Variants in LRRIQ3 observed in about 807,000 individuals in gnomAD.
The protein encoded by LRRIQ3 is leucine-rich repeat and IQ domain-containing protein 3.
Under a neutral mutation model 59.3 loss-of-function variants are expected in LRRIQ3, and 75 were observed. That is an observed-to-expected ratio of 1.26 (90% CI 1.05 to 1.53). The LOEUF is 1.53. Ranked by LOEUF, LRRIQ3 falls within the 40% of genes most tolerant of loss-of-function variation. The pLI is 0.00. For missense variants in LRRIQ3, 831 were observed against 710.0 expected (o/e 1.17, Z -1.94); for synonymous variants, 250 against 231.3 (o/e 1.08, Z -0.73).
Position 74,198,066 on chromosome 1 carries a change from C to A in LRRIQ3, c.-71G>T. 2 of 1,023,790 alleles carry A rather than the reference C, an allele frequency of 2.0e-6. No homozygotes were observed. Among genetic ancestry groups the A allele is most frequent in the Non-Finnish European group, 2.7e-6 (2 of 731,480 alleles). 63.4% of individuals were successfully genotyped at this position (1,023,790 alleles called of 1,614,324 possible). On this transcript the variant is annotated 5_prime_UTR_variant, in exon 1 of 8. Transcript: ENST00000354431. ...CCAGCCCCAACACAGTCAGACAAAT[C>A]GCTGGGCGGCCATCTGCTCCTGAGA...
intron 6 of LRRIQ3, among the ~76,000 whole-genome samples, chr1:74,054,762 A>C (rs909290022): frequency 2.8e-5 from 4 of 145,102 alleles, no homozygotes; most frequent in Admixed American, 2.1e-4. Flanking sequence ...ATATATCTAT[A>C]TATCTACATA....
At chr1:74,067,127 A>G (rs186065016) in intron 6 of LRRIQ3, among the ~76,000 whole-genome samples, 60 of 152,258 alleles carry the variant, frequency 3.9e-4, no homozygotes, top group African/African-American at 1.3e-3. Context: ...AAAAAATGAC[A>G]ACTGAAATCC....
intron 5 of LRRIQ3, among the ~76,000 whole-genome samples, chr1:74,106,667 C>T (rs4142948): frequency 0.47 from 70,892 of 151,658 alleles, 18,250 homozygotes; most frequent in East Asian, 0.82. Context: ...ACTCCCTGAA[C>T]ATATATTTTG....
intron 4 of LRRIQ3, among the ~76,000 whole-genome samples, chr1:74,145,325 A>C (rs1279574886): frequency 1.3e-5 from 2 of 152,154 alleles, no homozygotes. Flanking sequence ...TAGTAACAGT[A>C]AACTAGGAAT....
At chr1:74,100,873 T>C (rs1646520142) in intron 5 of LRRIQ3, among the ~76,000 whole-genome samples, 1 of 152,172 alleles carries the variant, frequency 6.6e-6, no homozygotes, top group Non-Finnish European at 1.5e-5. Flanking sequence ...AAGCTGAAAC[T>C]GGATGCCTTC....
At chr1:74,187,133 A>G (rs1319334929) in intron 1 of LRRIQ3, among the ~76,000 whole-genome samples, 1 of 152,076 alleles carries the variant, frequency 6.6e-6, no homozygotes, top group Non-Finnish European at 1.5e-5. Flanking sequence ...TCCTTAAGGA[A>G]CTAAAGGTAG....
chr1:74,183,850 A>G (rs1429662706), intron 1 of LRRIQ3, among the ~76,000 whole-genome samples, 166 bp from the exon 2 acceptor site: 2 of 152,024 alleles, frequency 1.3e-5, no homozygotes, highest in African/African-American at 4.8e-5. Context: ...TAACTTAAAT[A>G]TCTAACATTT....
chr1:74,055,180 T>TTATATATATATATA (rs57279520), intron 6 of LRRIQ3, among the ~76,000 whole-genome samples: 28 of 139,970 alleles, frequency 2.0e-4, no homozygotes, highest in African/African-American at 6.9e-4. Context: ...CATATACACT[T>TTATATATATATATA]TATATATATA....
chr1:74,112,180 TG>T (rs1412297643), intron 4 of LRRIQ3, among the ~76,000 whole-genome samples: 1 of 152,178 alleles, frequency 6.6e-6, no homozygotes, highest in Non-Finnish European at 1.5e-5. Context: ...CTCCTCCTTC[TG>T]ATCTAGGACA....
chr1:74,161,805 A>G (rs901961780), intron 3 of LRRIQ3, among the ~76,000 whole-genome samples: 5 of 151,932 alleles, frequency 3.3e-5, no homozygotes, highest in African/African-American at 1.2e-4. Flanking sequence ...AACTCCAGAC[A>G]ATACTTAAGC....
chr1:74,163,155 C>T (rs1465857628), intron 3 of LRRIQ3, among the ~76,000 whole-genome samples: 5 of 151,446 alleles, frequency 3.3e-5, no homozygotes, highest in African/African-American at 9.7e-5. Context: ...AAATTTGGCA[C>T]ACATTTTCTC....
chr1:74,045,645 C>A (rs940924591), intron 6 of LRRIQ3, among the ~76,000 whole-genome samples: 2 of 152,168 alleles, frequency 1.3e-5, no homozygotes, highest in African/African-American at 4.8e-5. Context: ...AAACGGTATT[C>A]AAGTAGGAAA....
At chr1:74,138,058 T>A (rs1037203273) in intron 4 of LRRIQ3, among the ~76,000 whole-genome samples, 1 of 151,596 alleles carries the variant, frequency 6.6e-6, no homozygotes, top group African/African-American at 2.4e-5. Flanking sequence ...AACCTGCATG[T>A]TCTGCACATG....
intron 3 of LRRIQ3, among the ~76,000 whole-genome samples, chr1:74,168,133 T>A (rs1195978069): frequency 6.6e-6 from 1 of 152,140 alleles, no homozygotes; most frequent in Admixed American, 6.6e-5. Flanking sequence ...TCTATATATA[T>A]CCTAATTTCA....
At chr1:74,166,933 T>TA (rs981828458) in intron 3 of LRRIQ3, among the ~76,000 whole-genome samples, 25 of 151,500 alleles carry the variant, frequency 1.7e-4, no homozygotes, top group African/African-American at 5.8e-4. Flanking sequence ...ATGGCCATAA[T>TA]AAAAAAATAA....
chr1:74,065,740 C>T (rs534548931), intron 6 of LRRIQ3, among the ~76,000 whole-genome samples: 3 of 152,186 alleles, frequency 2.0e-5, no homozygotes, highest in Middle Eastern at 3.4e-3. Flanking sequence ...TATTAGCTCA[C>T]TCTTCTGGCC....
chr1:74,173,736 A>G (rs1270568556), intron 3 of LRRIQ3, among the ~76,000 whole-genome samples: 1 of 152,064 alleles, frequency 6.6e-6, no homozygotes. Flanking sequence ...AAAAATAATA[A>G]TAATAAAATA....
Position 74,041,302 on chromosome 1 carries a change from A to T in LRRIQ3, c.1629T>A (p.Ala543=). 6.2e-7 allele frequency: 1 copy of T among 1,613,294 alleles called. No individual in the cohort carries two copies. The part of the protein sequence containing the change: ...LKIDRLEKNE[A]VLKEKSLIVK... The stretch of plus-strand genomic sequence containing the variant: ...CAATCAGGCTTTTCTCTTTTAGGAC[A>T]GCCTCATTCTTCTCCAGTCTGTCAA... Residue 543 remains alanine (A), a synonymous_variant, in exon 7 of 8, where the codon GCT becomes GCA. Transcript: ENST00000354431.
At chr1:74,181,738 T>A (rs540051464) in intron 3 of LRRIQ3, 1 of 151,950 alleles carries the variant, frequency 6.6e-6, no homozygotes, top group East Asian at 1.9e-4. Context: ...ATTAAAAAAA[T>A]TATATGCAGT....
Sources: allele counts gnomAD v4.1 joint callset (sites outside exome capture counted in the v4.1 genomes callset), GRCh38; gene constraint gnomAD v4.1.1; transcripts MANE v1.5; gene names NCBI Gene and HGNC (gene_info 2026-07-23, HGNC 2026-07-21).